The following CSNK1G1 variants were observed in gnomAD, a reference collection of about 807,000 sequenced individuals.
The protein encoded by CSNK1G1 is casein kinase 1 gamma 1.
A neutral mutation model predicts 59.6 loss-of-function variants in CSNK1G1; 22 were observed. The observed-to-expected ratio is 0.37, with a 90% CI of 0.26 to 0.53. CSNK1G1 has a LOEUF of 0.53. Ranked by LOEUF, CSNK1G1 falls within the 20% of genes least tolerant of loss-of-function variation. CSNK1G1 has a pLI of 0.89. For synonymous variants in CSNK1G1, 179 were observed against 177.1 expected, an observed-to-expected ratio of 1.01 and a Z score of -0.08; for missense variants, 384 against 519.5, an observed-to-expected ratio of 0.74 and a Z score of 2.54.
intron 10 of CSNK1G1, among the ~76,000 whole-genome samples, chr15:64,185,240 G>T (rs1338289470): frequency 6.6e-6 from 1 of 152,180 alleles, no homozygotes; most frequent in African/African-American, 2.4e-5. Flanking sequence ...CAGGGTCATG[G>T]TGTCTGCAAG....
rs1330002531 is a variant in CSNK1G1 at position 64,214,305 on chromosome 15, T to C, written c.445-181A>G. 6.6e-6 allele frequency among the ~76,000 whole-genome samples: 1 copy of C among 152,200 alleles called. No individual in the cohort carries two copies. Among genetic ancestry groups the C allele is most frequent in the East Asian group, 1.9e-4 (1 of 5,200 alleles). On this transcript the variant is annotated intron_variant, in intron 5 of 11. Coordinates refer to ENST00000303052, the MANE Select transcript of CSNK1G1 (RefSeq NM_022048.5). The surrounding 1 kb of genome is among the most constrained non-coding windows in gnomAD (Gnocchi z 4.3). ...AAAAAAATATTTTGCTATAAATACG[T>C]ACACAACAAATATCAAGACTAGGAA... is the stretch of plus-strand genomic sequence containing the variant.
chr15:64,265,317 A>G (rs1026447430), intron 2 of CSNK1G1, among the ~76,000 whole-genome samples: 1 of 152,200 alleles, frequency 6.6e-6, no homozygotes, highest in East Asian at 1.9e-4. Context: ...ATCTTGAATC[A>G]TAGCTCCCAT....
intron 1 of CSNK1G1, chr15:64,316,909 G>C (rs1168356054): frequency 2.0e-5 from 3 of 152,074 alleles, no homozygotes; most frequent in Non-Finnish European, 2.9e-5. Flanking sequence ...CCTTACAGTT[G>C]TAAGCCCTTA....
chr15:64,321,545 C>T (rs1008347315), intron 1 of CSNK1G1, among the ~76,000 whole-genome samples: 1 of 152,104 alleles, frequency 6.6e-6, no homozygotes, highest in African/African-American at 2.4e-5. Context: ...ATTACAGGCA[C>T]CAGCCATCGC....
chr15:64,265,350 G>C (rs945403033), intron 2 of CSNK1G1, among the ~76,000 whole-genome samples: 2 of 152,182 alleles, frequency 1.3e-5, no homozygotes, highest in African/African-American at 4.8e-5. Flanking sequence ...TAGTGGGAGA[G>C]ACCCAGAGGG....
chr15:64,255,480 A>G (rs1254505432), intron 3 of CSNK1G1, among the ~76,000 whole-genome samples: 1 of 152,150 alleles, frequency 6.6e-6, no homozygotes. Flanking sequence ...ACACTTTTAT[A>G]TTATACTCAA....
chr15:64,202,947 A>G (rs2082126575), intron 10 of CSNK1G1, 135 bp downstream of exon 10: 1 of 706,562 alleles, frequency 1.4e-6, no homozygotes, highest in South Asian at 1.6e-5. Context: ...AAGTCATACC[A>G]CACCTGTAAG....
intron 2 of CSNK1G1, among the ~76,000 whole-genome samples, chr15:64,279,725 G>C (rs148246826): frequency 0.04 from 6,030 of 152,162 alleles, 150 homozygotes; most frequent in South Asian, 0.079. Flanking sequence ...TGTAATCCCA[G>C]GACTTTGGGA....
intron 2 of CSNK1G1, among the ~76,000 whole-genome samples, chr15:64,293,735 G>T (rs1894865137): frequency 1.3e-5 from 2 of 152,188 alleles, no homozygotes. Context: ...CCACCTGAAA[G>T]ATCAGTGGCA....
chr15:64,251,490 G>A (rs543988373), intron 4 of CSNK1G1, 22 bp downstream of exon 4: 10 of 1,564,462 alleles, frequency 6.4e-6, no homozygotes, highest in South Asian at 5.7e-5. Flanking sequence ...CTAAGTAAGT[G>A]GAGAGAAAAG....
chr15:64,349,873 A>G (rs1224820475), intron 1 of CSNK1G1, among the ~76,000 whole-genome samples: 1 of 151,744 alleles, frequency 6.6e-6, no homozygotes, highest in Non-Finnish European at 1.5e-5. Context: ...TCAGGAGTTC[A>G]AGACCAGCCT....
At position 64,333,433 on chromosome 15, in the gene CSNK1G1, C is replaced by CAAAAAAAA. The variant is rs59451869; in HGVS notation, c.-225+22547_-225+22554dup. The stretch of plus-strand genomic sequence containing the variant: ...TGGGCAACACAGTGAGACACCATCT[C>CAAAAAAAA]AAAAAAAAAAAAAAAAAAAAAAAAA... On this transcript the variant is annotated intron_variant, in intron 1 of 11. Transcript: ENST00000303052. Among the ~76,000 whole-genome samples the CAAAAAAAA allele has an allele frequency of 4.8e-4, 11 of 23,086 alleles. 2 individuals carry two copies. Among genetic ancestry groups the CAAAAAAAA allele is most frequent in the African/African-American group, 1.9e-3 (8 of 4,154 alleles). The allele number at this position is 23,086 out of a possible 152,430, so 15.1% of individuals were successfully genotyped here.
intron 4 of CSNK1G1, among the ~76,000 whole-genome samples, chr15:64,238,365 G>A (rs2082643753): frequency 6.6e-6 from 1 of 150,770 alleles, no homozygotes; most frequent in East Asian, 1.9e-4. Context: ...GTGTGCACCT[G>A]TATTCCCAGC....
rs2081596518 is a variant in CSNK1G1 at position 64,165,835 on chromosome 15, G to A, written c.*6096C>T. ...AGAGGTATACTTAAAGATCACATTT[G>A]TGTTTTCCATGGTGCCCTAGGAAAT... On this transcript the variant is annotated 3_prime_UTR_variant, in exon 12 of 12. Transcript: ENST00000303052. 1 of 422,598 alleles carries A rather than the reference G, an allele frequency of 2.4e-6. No individual in the cohort carries two copies. Among genetic ancestry groups the A allele is most frequent in the Admixed American group, 4.3e-5 (1 of 22,998 alleles). 26.2% of individuals were successfully genotyped at this position (422,598 alleles called of 1,614,324 possible).
chr15:64,297,985 G>A (rs1019218662), intron 2 of CSNK1G1, among the ~76,000 whole-genome samples: 1 of 152,108 alleles, frequency 6.6e-6, no homozygotes, highest in African/African-American at 2.4e-5. Flanking sequence ...TATGGTCCCA[G>A]GGCTAATGAA....
chr15:64,218,404 T>A (rs942746687), intron 4 of CSNK1G1, among the ~76,000 whole-genome samples: 1 of 152,150 alleles, frequency 6.6e-6, no homozygotes, highest in African/African-American at 2.4e-5. Context: ...CAACTTTTTT[T>A]TTTTTTTAGA....
At chr15:64,312,141 A>G (rs1237668348) in intron 1 of CSNK1G1, among the ~76,000 whole-genome samples, 1 of 152,228 alleles carries the variant, frequency 6.6e-6, no homozygotes, top group Non-Finnish European at 1.5e-5. Flanking sequence ...ATGCTCATGG[A>G]GAGGAAGAAT....
At chr15:64,206,179 C>T (rs76547255) in intron 7 of CSNK1G1, among the ~76,000 whole-genome samples, 1 of 152,120 alleles carries the variant, frequency 6.6e-6, no homozygotes, top group African/African-American at 2.4e-5. Context: ...CAGTGGCTCA[C>T]GCCTGTAATC....
At chr15:64,337,094 G>C (rs1490371857) in intron 1 of CSNK1G1, among the ~76,000 whole-genome samples, 1 of 152,056 alleles carries the variant, frequency 6.6e-6, no homozygotes, top group African/African-American at 2.4e-5. Context: ...CAGGCGCAGT[G>C]GCAGGCACCT....
Sources: gnomAD v4.1 joint callset for allele counts (sites outside exome capture counted in the v4.1 genomes callset) on GRCh38, gnomAD v4.1.1 for gene constraint, Gnocchi (gnomAD v3.1) non-coding constraint, MANE v1.5 for transcripts, NCBI Gene and HGNC (gene_info 2026-07-23, HGNC 2026-07-21) for gene names.